The following STOX1 variants were observed in gnomAD, a reference collection of about 807,000 sequenced individuals.
STOX1 encodes storkhead box 1.
A neutral mutation model predicts 74.8 loss-of-function variants in STOX1; 57 were observed. The observed-to-expected ratio is 0.76, with a 90% confidence interval of 0.62 to 0.95. The LOEUF is 0.95. Among genes scored for constraint, STOX1 ranks in the 40% least tolerant of loss-of-function variants. STOX1 has a pLI of 0.00. For missense variants in STOX1, 1,010 were observed against 1,117.0 expected, an observed-to-expected ratio of 0.90 and a Z score of 1.37; for synonymous variants, 375 against 401.3, an observed-to-expected ratio of 0.93 and a Z score of 0.78.
intron 1 of STOX1, among the ~76,000 whole-genome samples, chr10:68,833,828 TCTC>T (rs1177225422): frequency 6.6e-6 from 1 of 152,212 alleles, no homozygotes; most frequent in Non-Finnish European, 1.5e-5. Context: ...CTGTCTCTCT[TCTC>T]TTACTGGCGT....
At chr10:68,886,850 G>A (rs1840976771) in intron 3 of STOX1, among the ~76,000 whole-genome samples, 1 of 151,846 alleles carries the variant, frequency 6.6e-6, no homozygotes, top group Admixed American at 6.6e-5. Flanking sequence ...AACCCGGGAG[G>A]TGGAGGTTGT....
intron 1 of STOX1, among the ~76,000 whole-genome samples, chr10:68,844,929 A>G (rs1425313664): frequency 2.0e-5 from 3 of 151,566 alleles, no homozygotes; most frequent in Non-Finnish European, 4.4e-5. Flanking sequence ...CGCCCAGCTA[A>G]TTTTTGTATT....
At chr10:68,876,033 C>T (rs1305778454) in intron 1 of STOX1, among the ~76,000 whole-genome samples, 1 of 151,312 alleles carries the variant, frequency 6.6e-6, no homozygotes, top group East Asian at 1.9e-4. Context: ...AATTTTTAAA[C>T]TCCTCATACT....
chr10:68,835,669 A>G (rs10762244), intron 1 of STOX1, among the ~76,000 whole-genome samples: 30,394 of 152,110 alleles, frequency 0.2, 3,228 homozygotes, highest in East Asian at 0.27. Context: ...TTTTAAACAC[A>G]TTAAGTTACT....
At chr10:68,832,832 T>A (rs1303527290) in intron 1 of STOX1, among the ~76,000 whole-genome samples, 1 of 152,056 alleles carries the variant, frequency 6.6e-6, no homozygotes, top group Non-Finnish European at 1.5e-5. Flanking sequence ...GGTACAATCA[T>A]GGGTCACTGC....
chr10:68,869,460 G>A (rs901081419), intron 1 of STOX1, among the ~76,000 whole-genome samples: 1 of 152,210 alleles, frequency 6.6e-6, no homozygotes. Context: ...TCCAGCTGAT[G>A]GGATCAGAAA....
chr10:68,842,772 C>T (rs904234277), intron 1 of STOX1, among the ~76,000 whole-genome samples: 1 of 152,020 alleles, frequency 6.6e-6, no homozygotes, highest in Non-Finnish European at 1.5e-5. Flanking sequence ...AACTCCTGAC[C>T]TCGTGATTCA....
chr10:68,839,438 G>T (rs965203861), intron 1 of STOX1, among the ~76,000 whole-genome samples: 6 of 152,088 alleles, frequency 3.9e-5, no homozygotes, highest in African/African-American at 7.2e-5. Flanking sequence ...GCCAAAGCTG[G>T]TCTTGAACCC....
At chr10:68,846,124 TA>T (rs754916895) in intron 1 of STOX1, among the ~76,000 whole-genome samples, 11,065 of 81,088 alleles carry the variant, frequency 0.14, 673 homozygotes, top group East Asian at 0.4. Flanking sequence ...AGGTTTTTAT[TA>T]TTATTATTAT....
intron 1 of STOX1, among the ~76,000 whole-genome samples, chr10:68,829,588 A>T (rs1264801230): frequency 6.6e-6 from 1 of 152,180 alleles, no homozygotes; most frequent in Non-Finnish European, 1.5e-5. Flanking sequence ...AAAACAGGGC[A>T]GCAAGAAGCA....
chr10:68,848,737 T>A (rs1839911617), intron 1 of STOX1, among the ~76,000 whole-genome samples: 1 of 152,108 alleles, frequency 6.6e-6, no homozygotes, highest in Non-Finnish European at 1.5e-5. Context: ...TGATCATAGC[T>A]CACTGTAACC....
chr10:68,873,278 T>TTTTG (rs869175853), intron 1 of STOX1, among the ~76,000 whole-genome samples: 1 of 95,644 alleles, frequency 1.0e-5, no homozygotes, highest in Admixed American at 1.0e-4. Flanking sequence ...TTTTTTTTTT[T>TTTTG]GAGACGGAGT....
chr10:68,852,213 G>A (rs73266445), intron 1 of STOX1, among the ~76,000 whole-genome samples: 1,707 of 147,412 alleles, frequency 0.012, 35 homozygotes, highest in African/African-American at 0.039. Context: ...ATCTTATTGT[G>A]ATTTGCCTGT....
chr10:68,836,297 T>C (rs1839551166), intron 1 of STOX1, among the ~76,000 whole-genome samples: 1 of 152,224 alleles, frequency 6.6e-6, no homozygotes, highest in Non-Finnish European at 1.5e-5. Context: ...CAGGTTGTTT[T>C]GAAGATAAGG....
chr10:68,842,659 CCT>C (rs1184888659), intron 1 of STOX1, among the ~76,000 whole-genome samples: 6 of 151,512 alleles, frequency 4.0e-5, no homozygotes, highest in African/African-American at 1.5e-4. Flanking sequence ...TCTGCCTCAG[CCT>C]CCCGAGTAGC....
chr10:68,831,523 G>T (rs759849919), intron 1 of STOX1, among the ~76,000 whole-genome samples: 41 of 152,082 alleles, frequency 2.7e-4, no homozygotes, highest in Non-Finnish European at 5.7e-4. Flanking sequence ...CTGCATAAAA[G>T]CATTAGGGTA....
intron 1 of STOX1, among the ~76,000 whole-genome samples, chr10:68,868,780 G>T (rs1446205908): frequency 6.6e-6 from 1 of 152,118 alleles, no homozygotes; most frequent in African/African-American, 2.4e-5. Flanking sequence ...CATGGAACAG[G>T]GTCTGATCAA....
At chr10:68,828,241 G>C in intron 1 of STOX1, 1 of 1,071,236 alleles carries the variant, frequency 9.3e-7, no homozygotes, top group African/African-American at 1.7e-5. Flanking sequence ...CCCTGCGGCC[G>C]CCGCGCGGCT....
Position 68,886,494 on chromosome 10 carries a change from A to G in STOX1, c.2698A>G (p.Lys900Glu). ...NQEMRKHFPQ[K>E]FQLFNTSHMP... ...GGAAATGAGAAAACATTTCCCACAA[A>G]AGTTCCAACTTTTCAACACTTCACA... Residue 900 changes from lysine (K) to glutamate (E), a missense_variant, in exon 3 of 4, where the codon AAG becomes GAG. Physicochemically the swap from Lys to Glu is moderately conservative, Grantham distance 56. Coordinates refer to ENST00000298596, the MANE Select transcript of STOX1 (RefSeq NM_152709.5). 6.2e-7 allele frequency: 1 copy of G among 1,613,942 alleles called. No individual in the cohort carries two copies. The highest frequency in any genetic ancestry group is 8.5e-7 in the Non-Finnish European group (1 of 1,179,938).
Sources: gnomAD v4.1 joint callset for allele counts (sites outside exome capture counted in the v4.1 genomes callset) on GRCh38, gnomAD v4.1.1 for gene constraint, MANE v1.5 for transcripts, NCBI Gene and HGNC (gene_info 2026-07-23, HGNC 2026-07-21) for gene names.